Variants in OR51B5 observed in about 807,000 individuals in gnomAD.
OR51B5 encodes olfactory receptor family 51 subfamily B member 5, also known as olfactory receptor 51B5.
For missense variants in OR51B5, 456 were observed against 374.6 expected (o/e 1.22, Z -1.79); for synonymous variants, 186 against 144.8 (o/e 1.28, Z -2.04).
chr11:5,503,127 A>T (rs1846321601), intron 1 of OR51B5, among the ~76,000 whole-genome samples: 1 of 152,158 alleles, frequency 6.6e-6, no homozygotes, highest in Non-Finnish European at 1.5e-5. Context: ...TGTGTAGTGA[A>T]TTTTTCTATA....
chr11:5,469,079 C>A, intron 1 of OR51B5: 1 of 244,000 alleles, frequency 4.1e-6, no homozygotes, highest in Admixed American at 5.3e-5. Flanking sequence ...CAGTAGGATG[C>A]CAAACTCTGT....
At chr11:5,431,119 G>A (rs776716877) in intron 1 of OR51B5, 45 of 414,408 alleles carry the variant, frequency 1.1e-4, no homozygotes, top group Non-Finnish European at 2.0e-4. Context: ...CAAAAGGATT[G>A]GAAGTGGGGC....
downstream of OR51B5, chr11:5,340,967 C>A (rs1848883634): frequency 6.6e-6 from 1 of 152,106 alleles, no homozygotes; most frequent in Non-Finnish European, 1.5e-5. Context: ...CTCACACTCA[C>A]AATTTAGTAT....
At chr11:5,342,177 A>G (rs1293512589), downstream of OR51B5, among the ~76,000 whole-genome samples, 2 of 152,228 alleles carry the variant, frequency 1.3e-5, no homozygotes, top group Non-Finnish European at 2.9e-5. Flanking sequence ...TAAGAGTTGG[A>G]AATTAGATTT....
chr11:5,401,229 A>G (rs952816702), intron 1 of OR51B5, among the ~76,000 whole-genome samples: 3 of 152,212 alleles, frequency 2.0e-5, no homozygotes, highest in African/African-American at 7.2e-5. Context: ...TGTATTCAGC[A>G]GTGTGTCTGA....
At chr11:5,453,440 T>C (rs770378310) in intron 1 of OR51B5, 1 of 1,382,528 alleles carries the variant, frequency 7.2e-7, no homozygotes, top group East Asian at 2.4e-5. Flanking sequence ...GTTAGAATTC[T>C]CCAAGTCAGA....
At chr11:5,375,071 G>T (rs1233560294) in intron 1 of OR51B5, among the ~76,000 whole-genome samples, 3 of 150,884 alleles carry the variant, frequency 2.0e-5, no homozygotes, top group African/African-American at 7.3e-5. Flanking sequence ...AAATGTTAAG[G>T]GCAGCCAGAG....
intron 1 of OR51B5, chr11:5,468,642 C>T: frequency 2.2e-6 from 1 of 456,378 alleles, no homozygotes; most frequent in South Asian, 1.5e-5. Flanking sequence ...ACCATGGACA[C>T]ACTAACCATA....
intron 1 of OR51B5, among the ~76,000 whole-genome samples, chr11:5,476,493 G>A (rs1271601261): frequency 1.3e-5 from 2 of 152,124 alleles, no homozygotes; most frequent in African/African-American, 2.4e-5. Context: ...ATGTTTAGGT[G>A]CCCAAAAAAT....
chr11:5,493,209 T>C (rs1851603433), intron 1 of OR51B5, among the ~76,000 whole-genome samples: 1 of 152,140 alleles, frequency 6.6e-6, no homozygotes, highest in Non-Finnish European at 1.5e-5. Context: ...TGAAGATATG[T>C]ATAATTAGTC....
At chr11:5,438,549 T>G (rs1398963479) in intron 1 of OR51B5, among the ~76,000 whole-genome samples, 1 of 152,200 alleles carries the variant, frequency 6.6e-6, no homozygotes, top group Non-Finnish European at 1.5e-5. Context: ...CTGTGCTGAG[T>G]GCAGAGTTTT....
At chr11:5,504,984 A>G (rs1277791693) in intron 1 of OR51B5, among the ~76,000 whole-genome samples, 3 of 152,226 alleles carry the variant, frequency 2.0e-5, no homozygotes, top group Non-Finnish European at 4.4e-5. Context: ...CTCCCTAGCT[A>G]AGACTTTTAG....
intron 1 of OR51B5, among the ~76,000 whole-genome samples, chr11:5,464,056 A>G (rs976116687): frequency 3.3e-5 from 5 of 152,188 alleles, no homozygotes; most frequent in African/African-American, 1.2e-4. Flanking sequence ...TTGCTTTTTT[A>G]TGATGGAAAA....
chr11:5,460,456 T>C (rs1291112735), intron 1 of OR51B5, among the ~76,000 whole-genome samples: 3 of 114,840 alleles, frequency 2.6e-5, no homozygotes, highest in East Asian at 5.2e-4. Flanking sequence ...TGGTTTGTTC[T>C]TAAAATGGCT....
At chr11:5,479,388 T>G (rs1027487358) in intron 1 of OR51B5, among the ~76,000 whole-genome samples, 2 of 151,040 alleles carry the variant, frequency 1.3e-5, no homozygotes, top group African/African-American at 4.9e-5. Context: ...GAACAACCGG[T>G]ACCAGCTGCT....
chr11:5,454,138 C>A (rs1426647804), intron 1 of OR51B5: 6 of 1,614,190 alleles, frequency 3.7e-6, no homozygotes, highest in Non-Finnish European at 5.1e-6. Flanking sequence ...ATCTTCCTCT[C>A]CTATGTGCTC....
chr11:5,402,609 A>G, intron 1 of OR51B5: 1 of 470,080 alleles, frequency 2.1e-6, no homozygotes, highest in South Asian at 1.6e-5. Context: ...GAAAATTTCT[A>G]ATAACTCTTT....
intron 1 of OR51B5, among the ~76,000 whole-genome samples, chr11:5,376,667 G>T (rs1324319591): frequency 6.6e-6 from 1 of 152,060 alleles, no homozygotes; most frequent in East Asian, 1.9e-4. Flanking sequence ...TGCCATCAGA[G>T]AATACTACAA....
chr11:5,478,793 T>A (rs61892083), intron 1 of OR51B5, among the ~76,000 whole-genome samples: 15,757 of 146,190 alleles, frequency 0.11, 873 homozygotes, highest in Middle Eastern at 0.15. Context: ...AAATGAAGCG[T>A]GAAGGGAAGT....
Sources: allele counts gnomAD v4.1 joint callset (sites outside exome capture counted in the v4.1 genomes callset), GRCh38; gene constraint gnomAD v4.1.1; transcripts MANE v1.5; gene names NCBI Gene and HGNC (gene_info 2026-07-23, HGNC 2026-07-21).